Variants in NVL observed in about 807,000 individuals in gnomAD.
NVL encodes the protein nuclear VCP like, also known as nuclear valosin-containing protein-like.
A neutral mutation model predicts 110.2 loss-of-function variants in NVL; 84 were observed. The observed-to-expected ratio is 0.76, with a 90% CI of 0.64 to 0.91. The LOEUF (loss-of-function observed/expected upper bound fraction) is 0.91, where lower values mean the gene tolerates loss of function less well. NVL is among the 40% of genes least tolerant of loss of function. The pLI is 0.00. For synonymous variants in NVL, 354 were observed against 361.1 expected (o/e 0.98, Z 0.22); for missense variants, 882 against 1,035.9 (o/e 0.85, Z 2.04).
chr1:224,267,936 T>TA, intron 18 of NVL, 98 bp downstream of exon 18: 1 of 778,294 alleles, frequency 1.3e-6, no homozygotes, highest in Non-Finnish European at 2.1e-6. Flanking sequence ...TTATAAATGC[T>TA]ACTAGTTTTT....
At chr1:224,278,180 A>AT (rs1665954734) in intron 16 of NVL, among the ~76,000 whole-genome samples, 1 of 143,578 alleles carries the variant, frequency 7.0e-6, no homozygotes, top group African/African-American at 2.6e-5. Context: ...GAGTGAACTC[A>AT]TTTTCCAATC....
intron 12 of NVL, among the ~76,000 whole-genome samples, chr1:224,290,348 T>C (rs1333425146): frequency 6.6e-6 from 1 of 152,148 alleles, no homozygotes; most frequent in Non-Finnish European, 1.5e-5. Flanking sequence ...AATAAAAACT[T>C]AAAAGCAGTA....
At chr1:224,279,908 G>A (rs1666148118) in intron 16 of NVL, among the ~76,000 whole-genome samples, 1 of 151,986 alleles carries the variant, frequency 6.6e-6, no homozygotes, top group Non-Finnish European at 1.5e-5. Context: ...TGTCTTAAAT[G>A]CCTGGCCTCA....
At chr1:224,299,924 T>A (rs545458990) in intron 10 of NVL, among the ~76,000 whole-genome samples, 5 of 152,370 alleles carry the variant, frequency 3.3e-5, no homozygotes, top group Non-Finnish European at 5.9e-5. Context: ...CATCAGCTAC[T>A]ATATATTGTC....
At chr1:224,329,959 G>T in intron 1 of NVL, 112 bp downstream of exon 1, 1 of 1,052,410 alleles carries the variant, frequency 9.5e-7, no homozygotes, top group Non-Finnish European at 1.5e-6. Flanking sequence ...GACCCAGACT[G>T]GGGAAAGAAG....
chr1:224,260,156 C>T (rs923146338), intron 18 of NVL, among the ~76,000 whole-genome samples: 10 of 152,300 alleles, frequency 6.6e-5, no homozygotes, highest in African/African-American at 2.4e-4. Flanking sequence ...CCCAAAGCAT[C>T]CAGACTAGAT....
intron 22 of NVL, among the ~76,000 whole-genome samples, chr1:224,228,610 T>G (rs943979333): frequency 6.7e-6 from 1 of 148,908 alleles, no homozygotes; most frequent in Non-Finnish European, 1.5e-5. Context: ...GCCGGGAAAG[T>G]AGAAGCTTCT....
Position 224,241,081 on chromosome 1 carries a change from G to T in NVL, c.2290-4499C>A, listed in dbSNP as rs539365619. ...TGGGATTACAGGCACAAGCTACCACGCTCAGCCAAACTCTCCTTTTTTTGA... is the reference window on the plus strand; with the variant it reads ...TGGGATTACAGGCACAAGCTACCACTCTCAGCCAAACTCTCCTTTTTTTGA... On this transcript the variant is annotated intron_variant, in intron 19 of 22. Coordinates refer to ENST00000281701, the MANE Select transcript of NVL (RefSeq NM_002533.4). Among the ~76,000 whole-genome samples, 47 of 152,166 alleles carry T rather than the reference G, an allele frequency of 3.1e-4. 1 individual carries two copies. Among genetic ancestry groups the T allele is most frequent in the African/African-American group, 1.1e-3 (45 of 41,534 alleles).
At chr1:224,276,727 G>A (rs936793220) in intron 16 of NVL, among the ~76,000 whole-genome samples, 1 of 151,996 alleles carries the variant, frequency 6.6e-6, no homozygotes, top group African/African-American at 2.4e-5. Flanking sequence ...TCCCTTACTT[G>A]AACTGCTTTC....
At chr1:224,325,264 A>G (rs1265637381) in intron 2 of NVL, among the ~76,000 whole-genome samples, 3 of 142,394 alleles carry the variant, frequency 2.1e-5, no homozygotes, top group African/African-American at 7.8e-5. Context: ...TCCGTCTCAG[A>G]AAAAAAAAAA....
chr1:224,312,447 A>G (rs1240705337), intron 4 of NVL: 1 of 152,356 alleles, frequency 6.6e-6, no homozygotes, highest in African/African-American at 2.4e-5. Flanking sequence ...TGTAGTCTTA[A>G]TTCATTATAA....
At chr1:224,250,520 A>T (rs1434683301) in intron 18 of NVL, among the ~76,000 whole-genome samples, 1 of 152,062 alleles carries the variant, frequency 6.6e-6, no homozygotes, top group Non-Finnish European at 1.5e-5. Context: ...GCATGCTATC[A>T]TGCCTGGCTA....
chr1:224,291,993 C>T (rs372438096), intron 12 of NVL, among the ~76,000 whole-genome samples: 6 of 152,292 alleles, frequency 3.9e-5, no homozygotes, highest in African/African-American at 1.2e-4. Context: ...TAGCTGAGGC[C>T]TTTCTAAATT....
intron 6 of NVL, among the ~76,000 whole-genome samples, chr1:224,307,006 T>C (rs1013682260): frequency 2.0e-5 from 3 of 152,020 alleles, no homozygotes; most frequent in Non-Finnish European, 4.4e-5. Context: ...TAGAAATCAG[T>C]TGAAGCATCA....
intron 15 of NVL, among the ~76,000 whole-genome samples, chr1:224,284,530 T>C (rs1666671229): frequency 6.6e-6 from 1 of 151,950 alleles, no homozygotes; most frequent in Non-Finnish European, 1.5e-5. Context: ...CATGCACCAC[T>C]ACATCTGGCT....
intron 19 of NVL, among the ~76,000 whole-genome samples, chr1:224,242,657 G>A (rs1263162712): frequency 3.3e-5 from 5 of 150,872 alleles, no homozygotes; most frequent in South Asian, 4.2e-4. Context: ...CAGCAGAGAT[G>A]GGCTTTCACC....
At chr1:224,229,638 T>C (rs1659648542) in intron 22 of NVL, among the ~76,000 whole-genome samples, 1 of 151,726 alleles carries the variant, frequency 6.6e-6, no homozygotes, top group Non-Finnish European at 1.5e-5. Flanking sequence ...TTAGTAGAGA[T>C]GAGATTTCAC....
intron 11 of NVL, among the ~76,000 whole-genome samples, 158 bp downstream of exon 11, chr1:224,296,343 G>A (rs1221478556): frequency 6.6e-6 from 1 of 151,940 alleles, no homozygotes; most frequent in Non-Finnish European, 1.5e-5. Flanking sequence ...GCCTCCCAAA[G>A]TGTTAGGATT....
At chr1:224,293,488 C>T (rs550411290) in intron 12 of NVL, among the ~76,000 whole-genome samples, 1 of 152,316 alleles carries the variant, frequency 6.6e-6, no homozygotes, top group African/African-American at 2.4e-5. Flanking sequence ...ATGGACATTA[C>T]TCATTTGCTC....
Sources: allele counts gnomAD v4.1 joint callset (sites outside exome capture counted in the v4.1 genomes callset), GRCh38; gene constraint gnomAD v4.1.1; transcripts MANE v1.5; gene names NCBI Gene and HGNC (gene_info 2026-07-23, HGNC 2026-07-21).